The following LAMA2 variants were observed in gnomAD, a reference collection of about 807,000 sequenced individuals.
The protein encoded by LAMA2 is laminin subunit alpha-2.
Under a neutral mutation model 364.8 loss-of-function variants are expected in LAMA2, and 269 were observed. The observed-to-expected ratio is 0.74, with a 90% CI of 0.67 to 0.82. The LOEUF (loss-of-function observed/expected upper bound fraction) is 0.82. Among genes scored for constraint, LAMA2 ranks in the 40% least tolerant of loss-of-function variants. The pLI is 0.00. For synonymous variants in LAMA2, 1,379 were observed against 1,370.6 expected, an observed-to-expected ratio of 1.01 and a Z score of -0.14; for missense variants, 3,807 against 3,873.2, an observed-to-expected ratio of 0.98 and a Z score of 0.45.
chr6:129,395,788 C>T (rs1050762092), intron 37 of LAMA2, among the ~76,000 whole-genome samples: 4 of 152,126 alleles, frequency 2.6e-5, no homozygotes, highest in African/African-American at 7.2e-5. Context: ...AGGATAAGCA[C>T]TGGGTCACAG....
At chr6:129,261,589 C>T (rs1362345829) in intron 15 of LAMA2, among the ~76,000 whole-genome samples, 2 of 152,068 alleles carry the variant, frequency 1.3e-5, no homozygotes, top group Non-Finnish European at 2.9e-5. Flanking sequence ...TAAATAGGAG[C>T]TTAGTTTCTT....
In LAMA2 at chr6:129,460,637, G is replaced by T. The variant is rs1048936257; in HGVS notation, c.6992+313G>T. The stretch of plus-strand genomic sequence containing the variant: ...CTCCAATGTTCTTTCATGTCGAGGG[G>T]TTTTTTTGTGTCTGTGAGTACCTCA... On this transcript the variant is annotated intron_variant, in intron 49 of 64. Transcript: ENST00000421865. 6.6e-5 allele frequency among the ~76,000 whole-genome samples: 10 copies of T among 151,892 alleles called. No homozygotes were observed. In the South Asian group the frequency reaches 1.2e-3, roughly 19 times the overall value.
At chr6:128,988,976 A>G (rs1783439945) in intron 1 of LAMA2, among the ~76,000 whole-genome samples, 1 of 152,194 alleles carries the variant, frequency 6.6e-6, no homozygotes, top group African/African-American at 2.4e-5. Flanking sequence ...ATTTGTCTTC[A>G]AGAAAACATC....
rs1419777376 is a variant in LAMA2, at chr6:129,405,526, TATC to T, written c.5865+1570_5865+1572del. ...TAATGCATTACACCATGTCTGCTGT[TATC>T]ATTATTCCTTCTCTCTTTCCACAAT... On this transcript the variant is annotated intron_variant, in intron 40 of 64. Coordinates refer to ENST00000421865, the MANE Select transcript of LAMA2 (RefSeq NM_000426.4). 1.4e-4 allele frequency among the ~76,000 whole-genome samples: 22 copies of T among 152,290 alleles called. 1 individual carries two copies. Among genetic ancestry groups the T allele is most frequent in the African/African-American group, 4.8e-4 (20 of 41,586 alleles).
At chr6:128,894,687 G>C (rs1776656542) in intron 1 of LAMA2, among the ~76,000 whole-genome samples, 1 of 152,136 alleles carries the variant, frequency 6.6e-6, no homozygotes, top group Non-Finnish European at 1.5e-5. Context: ...TTTAATCATT[G>C]TTACTACTTC....
intron 12 of LAMA2, among the ~76,000 whole-genome samples, chr6:129,195,644 A>G (rs1400159306): frequency 6.6e-6 from 1 of 152,188 alleles, no homozygotes; most frequent in Non-Finnish European, 1.5e-5. Flanking sequence ...CTCGTTCTTG[A>G]TAGTCAAAGA....
rs1742031518 is a variant in LAMA2 at position 129,251,068 on chromosome 6, CTCTCTCTCTATATATATA to C, written c.1884+857_1884+874del. ...TCTCTCTCTCTCTCTCTCTCTCTCT[CTCTCTCTCTATATATATA>C]TATATATATATATATATATGGCAAC... On this transcript the variant is annotated intron_variant, in intron 13 of 64. Coordinates refer to ENST00000421865, the MANE Select transcript of LAMA2 (RefSeq NM_000426.4). 1.5e-4 allele frequency among the ~76,000 whole-genome samples: 10 copies of C among 68,540 alleles called. No individual in the cohort carries two copies. In the East Asian group the frequency reaches 2.2e-3, roughly 15 times the overall value. The allele number at this position is 68,540 out of a possible 152,430, so 45.0% of individuals were successfully genotyped here. A position where few individuals can be genotyped will look rare whatever the true frequency, so the allele number is the denominator to read the frequency against.
intron 58 of LAMA2, among the ~76,000 whole-genome samples, chr6:129,498,714 A>G (rs758688578): frequency 5.9e-5 from 9 of 152,112 alleles, no homozygotes; most frequent in Non-Finnish European, 8.8e-5. Flanking sequence ...TGCAATTTCT[A>G]TGATGATTCA....
intron 63 of LAMA2, among the ~76,000 whole-genome samples, chr6:129,513,485 G>T (rs940746772): frequency 2.2e-4 from 33 of 152,094 alleles, no homozygotes; most frequent in Non-Finnish European, 4.0e-4. Flanking sequence ...AGCCTGTTAT[G>T]CAAACTCCAC....
intron 40 of LAMA2, among the ~76,000 whole-genome samples, chr6:129,409,601 G>A (rs1780422758): frequency 6.6e-6 from 1 of 152,164 alleles, no homozygotes; most frequent in African/African-American, 2.4e-5. Flanking sequence ...CCAGTAACAG[G>A]CCAAGAGTTG....
At chr6:129,201,646 C>T (rs952583294) in intron 12 of LAMA2, among the ~76,000 whole-genome samples, 1 of 152,116 alleles carries the variant, frequency 6.6e-6, no homozygotes, top group African/African-American at 2.4e-5. Context: ...AAATTAACTG[C>T]ATGCCAGAAC....
chr6:129,397,764 TA>T (rs908450772), intron 37 of LAMA2, among the ~76,000 whole-genome samples: 2 of 148,594 alleles, frequency 1.3e-5, no homozygotes, highest in African/African-American at 2.5e-5. Flanking sequence ...AAATGAAAAT[TA>T]AAAAAAAATA....
intron 3 of LAMA2, among the ~76,000 whole-genome samples, chr6:129,073,456 G>A (rs1773443820): frequency 6.6e-6 from 1 of 152,124 alleles, no homozygotes; most frequent in Non-Finnish European, 1.5e-5. Flanking sequence ...TTTCTCGAAT[G>A]TTGTTACTGT....
rs1986342 is a variant in LAMA2 at position 129,427,416 on chromosome 6, C to T, written c.5866-336C>T. 0.52 allele frequency among the ~76,000 whole-genome samples: 79,623 copies of T among 151,896 alleles called. 22,043 individuals carry two copies. Among genetic ancestry groups the T allele is most frequent in the African/African-American group, 0.71 (29,619 of 41,466 alleles). On this transcript the variant is annotated intron_variant, in intron 40 of 64. Transcript: ENST00000421865. ...TACAACACCGCCAGTTATCATGCAT[C>T]GAGTCACTTCTGCATCTCTTAATTT...
At chr6:128,915,717 G>C (rs1324863937) in intron 1 of LAMA2, among the ~76,000 whole-genome samples, 1 of 152,118 alleles carries the variant, frequency 6.6e-6, no homozygotes, top group Non-Finnish European at 1.5e-5. Flanking sequence ...GATAAAAATT[G>C]TATCACAATT....
intron 1 of LAMA2, among the ~76,000 whole-genome samples, chr6:128,954,578 T>C (rs922889046): frequency 1.3e-5 from 2 of 152,036 alleles, no homozygotes; most frequent in Non-Finnish European, 2.9e-5. Context: ...GTGTGGCATG[T>C]TGGCATTTTT....
chr6:129,191,229 A>G (rs1296674668), intron 11 of LAMA2, among the ~76,000 whole-genome samples: 1 of 152,186 alleles, frequency 6.6e-6, no homozygotes, highest in Non-Finnish European at 1.5e-5. Flanking sequence ...TATAAAGACT[A>G]CTATTTAGAT....
chr6:129,294,903 T>C (rs944475521), intron 20 of LAMA2, among the ~76,000 whole-genome samples: 8 of 152,312 alleles, frequency 5.3e-5, no homozygotes, highest in Admixed American at 2.0e-4. Context: ...CAAAAACAAA[T>C]GCATACATTT....
In LAMA2 at chr6:129,059,811, A is replaced by G; in HGVS notation, c.311A>G (p.Asp104Gly). 1 of 1,609,168 alleles carries G rather than the reference A, an allele frequency of 6.2e-7. No individual in the cohort carries two copies. Residue 104 changes from aspartate (D) to glycine (G), a missense_variant, in exon 3 of 65, where the codon GAT becomes GGT. Asp to Gly is a moderately conservative substitution (Grantham distance 94). Coordinates refer to ENST00000421865, the MANE Select transcript of LAMA2 (RefSeq NM_000426.4). ...NQRHPITNAIDGKNTWWQSPS... is the reference protein window; with the variant it reads ...NQRHPITNAIGGKNTWWQSPS... The stretch of plus-strand genomic sequence containing the variant: ...AGACACCCGATTACAAATGCTATTG[A>G]TGGAAAGAACACTTGGTGGCAGAGT...
Sources: allele counts gnomAD v4.1 joint callset (sites outside exome capture counted in the v4.1 genomes callset), GRCh38; gene constraint gnomAD v4.1.1; transcripts MANE v1.5; gene names NCBI Gene and HGNC (gene_info 2026-07-23, HGNC 2026-07-21).